The following AGAP1 variants were observed in gnomAD, a reference collection of about 807,000 sequenced individuals.
AGAP1 encodes ArfGAP with GTPase domain, ankyrin repeat and PH domain 1, also known as arf-GAP with GTPase, ANK repeat and PH domain-containing protein 1.
In AGAP1, 29 loss-of-function variants were observed where a neutral mutation model predicts 105.3. The observed-to-expected ratio is 0.28, with a 90% CI of 0.21 to 0.38. The LOEUF is 0.38. Among genes scored for constraint, AGAP1 ranks in the 10% least tolerant of loss-of-function variants. The pLI, the probability that AGAP1 is intolerant of heterozygous loss-of-function variation, is 1.00. For synonymous variants in AGAP1, 509 were observed against 485.9 expected, an observed-to-expected ratio of 1.05 and a Z score of -0.63; for missense variants, 998 against 1,165.1, an observed-to-expected ratio of 0.86 and a Z score of 2.09.
intron 1 of AGAP1, among the ~76,000 whole-genome samples, chr2:235,653,299 C>A (rs11680672): frequency 0.2 from 30,942 of 151,272 alleles, 3,661 homozygotes; most frequent in South Asian, 0.37. Flanking sequence ...CACTGTCTCT[C>A]CTAAAAATAA....
rs1575991099 is a variant in AGAP1, at chr2:235,992,034, C to T, written c.1645+23411C>T. Among the ~76,000 whole-genome samples, 4 of 152,356 alleles carry T rather than the reference C, an allele frequency of 2.6e-5. 1 individual carries two copies. Among genetic ancestry groups the T allele is most frequent in the Admixed American group, 2.6e-4 (4 of 15,312 alleles). ...CATCTGTGAAGGCCCGTTGAGACTG[C>T]TCAGTTGGTGTCTCCTCTGTCCACA... On this transcript the variant is annotated intron_variant, in intron 13 of 17. Coordinates refer to ENST00000304032, the MANE Select transcript of AGAP1 (RefSeq NM_001037131.3). The surrounding 1 kb of genome is among the most constrained non-coding windows in gnomAD (Gnocchi z 4.8).
rs1273349674 is a variant in AGAP1, at chr2:235,621,914, C to A, written c.164-87265C>A. ...AGTGCCGCGCAGACCCCCCCACCCC[C>A]TCAGAACAGCGGCCACTGTGTGGAT... On this transcript the variant is annotated intron_variant, in intron 1 of 17. Coordinates refer to ENST00000304032, the MANE Select transcript of AGAP1 (RefSeq NM_001037131.3). The surrounding 1 kb of genome is among the most constrained non-coding windows in gnomAD (Gnocchi z 4.1). Among the ~76,000 whole-genome samples the A allele has an allele frequency of 6.6e-6, 1 of 152,108 alleles. No individual in the cohort carries two copies. The highest frequency in any genetic ancestry group is 1.5e-5 in the Non-Finnish European group (1 of 68,020).
rs575631462 is a variant in AGAP1 at position 235,671,287 on chromosome 2, A to G, written c.164-37892A>G. 3.0e-3 allele frequency among the ~76,000 whole-genome samples: 451 copies of G among 152,214 alleles called. 5 individuals carry two copies. The highest frequency in any genetic ancestry group is 9.6e-3 in the African/African-American group (399 of 41,568). On this transcript the variant is annotated intron_variant, in intron 1 of 17. Coordinates refer to ENST00000304032, the MANE Select transcript of AGAP1 (RefSeq NM_001037131.3). ...GTGCCCCTCGGAGTCCACCACCTTC[A>G]TCAAGGAGAGCTTGACCCGGGAGAG...
rs13432648 is a variant in AGAP1 at position 235,967,123 on chromosome 2, G to T, written c.1484-1339G>T. ...CCCCTCCTCTCCAGTGCCACCTTCC[G>T]CAGGCCTCTCCCACCCACACCGGCC... On this transcript the variant is annotated intron_variant, in intron 12 of 17. Transcript: ENST00000304032. The surrounding 1 kb of genome is among the most constrained non-coding windows in gnomAD (Gnocchi z 4.7). 6.6e-5 allele frequency among the ~76,000 whole-genome samples: 10 copies of T among 151,666 alleles called. No individual in the cohort carries two copies. The highest frequency in any genetic ancestry group is 8.8e-5 in the Non-Finnish European group (6 of 67,918).
chr2:236,011,943 G>A (rs1210708216), intron 13 of AGAP1, among the ~76,000 whole-genome samples: 4 of 152,048 alleles, frequency 2.6e-5, no homozygotes, highest in African/African-American at 9.7e-5. Flanking sequence ...CCAGGCAGCA[G>A]CATCCGACAT....
intron 1 of AGAP1, among the ~76,000 whole-genome samples, chr2:235,707,920 G>A (rs1211905904): frequency 6.6e-6 from 1 of 151,124 alleles, no homozygotes; most frequent in African/African-American, 2.4e-5. Flanking sequence ...GTGACCTGGT[G>A]GGTTGTGCTT....
chr2:235,897,645 T>C (rs1050442114), intron 10 of AGAP1, among the ~76,000 whole-genome samples: 3 of 152,130 alleles, frequency 2.0e-5, no homozygotes, highest in Non-Finnish European at 4.4e-5. Context: ...GTGTTACTCA[T>C]TGAGGCCAAA....
chr2:235,650,194 C>G (rs2149321411), intron 1 of AGAP1, among the ~76,000 whole-genome samples: 1 of 152,230 alleles, frequency 6.6e-6, no homozygotes, highest in East Asian at 1.9e-4. Context: ...AACCCCGTCT[C>G]TACTAAAAAT....
At chr2:235,935,127 G>A (rs2052927052) in intron 12 of AGAP1, among the ~76,000 whole-genome samples, 1 of 152,174 alleles carries the variant, frequency 6.6e-6, no homozygotes, top group Non-Finnish European at 1.5e-5. Context: ...GACTATTACT[G>A]TTGTAAGGTT....
chr2:236,112,980 CTG>C lies in AGAP1; in HGVS notation c.2115-7210_2115-7209del, dbSNP rs1013880611. 2.8e-4 allele frequency among the ~76,000 whole-genome samples: 43 copies of C among 152,242 alleles called. 1 individual carries two copies. The highest frequency in any genetic ancestry group is 9.4e-4 in the African/African-American group (39 of 41,472). On this transcript the variant is annotated intron_variant, in intron 16 of 17. Coordinates refer to ENST00000304032, the MANE Select transcript of AGAP1 (RefSeq NM_001037131.3). Reference sequence around the variant, plus strand: ...TGTTTCAAAGAAGGAAAAGCCGGGTCTGTCAGTTCTAGGCTCTCCACTGTTTT... The same window carrying C: ...TGTTTCAAAGAAGGAAAAGCCGGGTCTCAGTTCTAGGCTCTCCACTGTTTT...
At chr2:236,033,121 T>C (rs1346384203) in intron 13 of AGAP1, among the ~76,000 whole-genome samples, 1 of 152,116 alleles carries the variant, frequency 6.6e-6, no homozygotes, top group Non-Finnish European at 1.5e-5. Context: ...GGCACATACC[T>C]GTAATCCCAT....
intron 5 of AGAP1, among the ~76,000 whole-genome samples, chr2:235,746,029 G>C (rs931433995): frequency 1.3e-5 from 2 of 152,300 alleles, no homozygotes; most frequent in East Asian, 3.9e-4. Context: ...AGGAGGCTGA[G>C]GCAGGAGGAT....
At position 235,958,527 on chromosome 2, in the gene AGAP1, C is replaced by T. The variant is rs1043132542; in HGVS notation, c.1484-9935C>T. ...GGGATATCAAAAACCTATCAGCACACCTGGCGAGGACCCTCACCAAGGCGA... is the reference window on the plus strand; with the variant it reads ...GGGATATCAAAAACCTATCAGCACATCTGGCGAGGACCCTCACCAAGGCGA... On this transcript the variant is annotated intron_variant, in intron 12 of 17. Transcript: ENST00000304032. This position sits in a 1 kb window ranked among gnomAD's most constrained non-coding sequence, Gnocchi z 4.1. 6.6e-6 allele frequency among the ~76,000 whole-genome samples: 1 copy of T among 152,142 alleles called. No individual in the cohort carries two copies. The highest frequency in any genetic ancestry group is 6.5e-5 in the Admixed American group (1 of 15,286).
chr2:235,968,619 T>C lies in AGAP1; in HGVS notation c.1641T>C (p.Ala547=). The change falls in exon 13 of 18, where the codon GCT becomes GCC. Residue 547 remains alanine (A), a synonymous_variant. Transcript: ENST00000304032. ...AAGCCGACGGCCTGTCCGGCACTGC[T>C]GAAGGTAAGGGTTCCGCGGTGCCCC... is the stretch of plus-strand genomic sequence containing the variant. The part of the protein sequence containing the change: ...NFKADGLSGT[A]EEQEENFEFI... The C allele has an allele frequency of 6.2e-7, 1 of 1,602,818 alleles. No homozygotes were observed. The highest frequency in any genetic ancestry group is 8.5e-7 in the Non-Finnish European group (1 of 1,175,474).
chr2:235,696,822 A>G (rs772657759), intron 1 of AGAP1, among the ~76,000 whole-genome samples: 7 of 152,018 alleles, frequency 4.6e-5, no homozygotes, highest in Non-Finnish European at 1.0e-4. Flanking sequence ...CGTCTCTACT[A>G]AAAATACAGA....
At chr2:236,041,906 T>C (rs1461419865) in intron 15 of AGAP1, among the ~76,000 whole-genome samples, 3 of 152,116 alleles carry the variant, frequency 2.0e-5, no homozygotes, top group Non-Finnish European at 4.4e-5. Context: ...GGGCAGGGTT[T>C]GTACAGGGAA....
At chr2:236,074,155 GC>G (rs1293873617) in intron 16 of AGAP1, among the ~76,000 whole-genome samples, 1 of 152,206 alleles carries the variant, frequency 6.6e-6, no homozygotes, top group African/African-American at 2.4e-5. Context: ...GCAGCTTGAC[GC>G]GGTAGGGGCC....
At chr2:235,762,618 A>G (rs1954546896) in intron 6 of AGAP1, among the ~76,000 whole-genome samples, 1 of 152,196 alleles carries the variant, frequency 6.6e-6, no homozygotes, top group African/African-American at 2.4e-5. Flanking sequence ...CTGTAATCCC[A>G]GCACTTTGGG....
chr2:235,762,978 T>C (rs1388941393), intron 6 of AGAP1, among the ~76,000 whole-genome samples: 1 of 151,156 alleles, frequency 6.6e-6, no homozygotes, highest in Non-Finnish European at 1.5e-5. Flanking sequence ...ATATAAAATA[T>C]GGAAATAAAA....
Sources: gnomAD v4.1 joint callset for allele counts (sites outside exome capture counted in the v4.1 genomes callset) on GRCh38, gnomAD v4.1.1 for gene constraint, Gnocchi (gnomAD v3.1) non-coding constraint, MANE v1.5 for transcripts, NCBI Gene and HGNC (gene_info 2026-07-23, HGNC 2026-07-21) for gene names.